The following PTPRA variants were observed in gnomAD, a reference collection of about 807,000 sequenced individuals.
The protein encoded by PTPRA is receptor-type tyrosine-protein phosphatase alpha.
A neutral mutation model predicts 104.8 loss-of-function variants in PTPRA; 25 were observed. The observed-to-expected ratio is 0.24, with a 90% CI of 0.17 to 0.33. The LOEUF is 0.33. Among genes scored for constraint, PTPRA ranks in the 10% least tolerant of loss-of-function variants. PTPRA has a pLI of 1.00. For missense variants in PTPRA, 765 were observed against 1,015.3 expected (o/e 0.75, Z 3.35); for synonymous variants, 323 against 368.9 (o/e 0.88, Z 1.43).
chr20:3,012,700 T>C (rs2064230814), intron 11 of PTPRA, among the ~76,000 whole-genome samples: 1 of 152,246 alleles, frequency 6.6e-6, no homozygotes, highest in Non-Finnish European at 1.5e-5. Context: ...TTGGACTTAG[T>C]GTGTAGGGCA....
At chr20:3,021,232 C>T in intron 13 of PTPRA, 77 bp from the exon 14 acceptor site, 1 of 1,590,422 alleles carries the variant, frequency 6.3e-7, no homozygotes, top group Non-Finnish European at 8.6e-7. Flanking sequence ...GCTTTGTGGG[C>T]TCTTCCTTCC....
chr20:2,900,060 A>T (rs1038145180), intron 1 of PTPRA, among the ~76,000 whole-genome samples: 5 of 152,130 alleles, frequency 3.3e-5, no homozygotes, highest in Admixed American at 2.0e-4. Context: ...CAGTGAGCTG[A>T]GATAGCGCCA....
At chr20:3,016,645 C>T (rs1246265670) in intron 12 of PTPRA, among the ~76,000 whole-genome samples, 1 of 152,132 alleles carries the variant, frequency 6.6e-6, no homozygotes, top group Non-Finnish European at 1.5e-5. Context: ...GAGGCTGAGG[C>T]ACAAGAATCA....
intron 2 of PTPRA, among the ~76,000 whole-genome samples, chr20:2,928,794 A>T (rs1191988979): frequency 7.0e-6 from 1 of 143,716 alleles, no homozygotes; most frequent in Non-Finnish European, 1.5e-5. Flanking sequence ...TTTCCTGGAG[A>T]TTGTCATAAC....
intron 1 of PTPRA, among the ~76,000 whole-genome samples, chr20:2,902,752 T>C (rs1389583916): frequency 6.6e-6 from 1 of 152,248 alleles, no homozygotes; most frequent in Admixed American, 6.5e-5. Context: ...TTGAGAATTT[T>C]ACTAATTTGA....
At chr20:3,007,555 A>T in intron 11 of PTPRA, 135 bp downstream of exon 11, 4 of 940,478 alleles carry the variant, frequency 4.3e-6, no homozygotes, top group Non-Finnish European at 6.4e-6. Context: ...TTTTTAAGTG[A>T]CTGAATTTTT....
At chr20:2,890,094 C>G (rs997729153) in intron 1 of PTPRA, among the ~76,000 whole-genome samples, 25 of 148,536 alleles carry the variant, frequency 1.7e-4, no homozygotes, top group African/African-American at 6.2e-4. Flanking sequence ...GATGAGGCCT[C>G]ACTATGAGCC....
At position 3,022,752 on chromosome 20, in the gene PTPRA, A is replaced by G. The variant is rs754299030; in HGVS notation, c.1392A>G (p.Thr464=). ...ATGCCATGCTGGACATGATGCATAC[A>G]GAACGGAAGGTGGACGTGTATGGCT... is the stretch of plus-strand genomic sequence containing the variant. ...VIDAMLDMMH[T]ERKVDVYGFV... Residue 464 remains threonine, a synonymous_variant, in exon 16 of 24, where the codon ACA becomes ACG. Transcript: ENST00000399903. This position sits in a 1 kb window ranked among gnomAD's most constrained non-coding sequence, Gnocchi z 4.6. The G allele has an allele frequency of 3.8e-5, 62 of 1,614,086 alleles. No homozygotes were observed. The highest frequency in any genetic ancestry group is 4.8e-5 in the Non-Finnish European group (57 of 1,180,044).
the PTPRA span, chr20:2,864,327 C>G: frequency 6.2e-7 from 1 of 1,614,052 alleles, no homozygotes; most frequent in African/African-American, 1.3e-5. The surrounding 1 kb of genome is among the most constrained non-coding windows in gnomAD (Gnocchi z 5.2). Context: ...TAAGTGGGAG[C>G]CTGGCTGGAA....
intron 11 of PTPRA, among the ~76,000 whole-genome samples, chr20:3,012,431 T>C (rs747224114): frequency 6.6e-6 from 1 of 152,166 alleles, no homozygotes; most frequent in African/African-American, 2.4e-5. Context: ...GATATATCCA[T>C]GTAGATGTAT....
At chr20:2,892,639 T>C (rs920754118) in intron 1 of PTPRA, among the ~76,000 whole-genome samples, 2 of 152,174 alleles carry the variant, frequency 1.3e-5, no homozygotes, top group Non-Finnish European at 2.9e-5. Flanking sequence ...CTAATGTGAG[T>C]GTTCTGAACA....
chr20:2,923,222 A>G lies in PTPRA; in HGVS notation c.-113A>G, dbSNP rs1466335033. 1.1e-5 allele frequency: 14 copies of G among 1,257,290 alleles called. No individual in the cohort carries two copies. Among genetic ancestry groups the G allele is most frequent in the Non-Finnish European group, 1.4e-5 (14 of 969,418 alleles). 77.9% of individuals were successfully genotyped at this position (1,257,290 alleles called of 1,614,324 possible). The stretch of plus-strand genomic sequence containing the variant: ...TTTGTTGCAGGTGACACAACTAAAA[A>G]AAAACAAAGGTATTTATGGAATTCC... On this transcript the variant is annotated 5_prime_UTR_variant, in exon 2 of 24. Coordinates refer to ENST00000399903, the MANE Select transcript of PTPRA (RefSeq NM_001385305.1).
intron 1 of PTPRA, among the ~76,000 whole-genome samples, chr20:2,918,972 T>C (rs2060007206): frequency 6.6e-6 from 1 of 152,214 alleles, no homozygotes; most frequent in African/African-American, 2.4e-5. Flanking sequence ...GAAGGTAACC[T>C]TAAATAATGT....
At chr20:2,987,526 GTTC>G (rs1339578896) in intron 7 of PTPRA, among the ~76,000 whole-genome samples, 4 of 152,082 alleles carry the variant, frequency 2.6e-5, no homozygotes, top group Non-Finnish European at 5.9e-5. Context: ...TGCTCCCTCT[GTTC>G]TTCTGCAGGG....
intron 2 of PTPRA, among the ~76,000 whole-genome samples, chr20:2,940,607 CTGGAGTGCAT>C (rs1298588291): frequency 1.3e-5 from 2 of 152,154 alleles, no homozygotes; most frequent in African/African-American, 4.8e-5. Flanking sequence ...GTCACTGAGG[CTGGAGTGCAT>C]TGGTGTAAAC....
At chr20:2,957,938 G>A (rs889761416) in intron 3 of PTPRA, among the ~76,000 whole-genome samples, 2 of 151,716 alleles carry the variant, frequency 1.3e-5, no homozygotes, top group African/African-American at 4.8e-5. Context: ...CAACCCTTAT[G>A]AGTTATTTGA....
intron 12 of PTPRA, among the ~76,000 whole-genome samples, chr20:3,016,090 AG>A (rs1216749450): frequency 1.3e-5 from 2 of 152,242 alleles, no homozygotes; most frequent in East Asian, 1.9e-4. Context: ...ATCCATTAAA[AG>A]AAGTCTTTTT....
chr20:2,993,381 T>C (rs576611836), intron 9 of PTPRA, among the ~76,000 whole-genome samples: 13 of 152,378 alleles, frequency 8.5e-5, no homozygotes, highest in African/African-American at 2.4e-4. Flanking sequence ...GATACATAAC[T>C]TCCTGCTTTT....
chr20:3,034,134 G>A (rs891683439), intron 20 of PTPRA, among the ~76,000 whole-genome samples: 1 of 152,062 alleles, frequency 6.6e-6, no homozygotes, highest in African/African-American at 2.4e-5. Context: ...AGCTAGGCAT[G>A]GTGGCGCACA....
Sources: allele counts gnomAD v4.1 joint callset (sites outside exome capture counted in the v4.1 genomes callset), GRCh38; gene constraint gnomAD v4.1.1; non-coding constraint Gnocchi (gnomAD v3.1); transcripts MANE v1.5; gene names NCBI Gene and HGNC (gene_info 2026-07-23, HGNC 2026-07-21).